RFX3: variants seen among roughly 807,000 people sequenced by gnomAD.
The protein encoded by RFX3 is transcription factor RFX3.
Under a neutral mutation model 98.6 loss-of-function variants are expected in RFX3, and 14 were observed. The observed-to-expected ratio is 0.14, with a 90% CI of 0.09 to 0.22. RFX3 has a LOEUF of 0.22. Among genes scored for constraint, RFX3 ranks in the 10% least tolerant of loss-of-function variants. The pLI is 1.00. For synonymous variants in RFX3, 383 were observed against 328.4 expected (o/e 1.17, Z -1.80); for missense variants, 639 against 926.9 (o/e 0.69, Z 4.03).
At chr9:3,333,938 C>T (rs7870506) in intron 3 of RFX3, among the ~76,000 whole-genome samples, 3,221 of 152,188 alleles carry the variant, frequency 0.021, 117 homozygotes, top group African/African-American at 0.073. Context: ...TTTTCATAAA[C>T]TCCATGAGGT....
intron 1 of RFX3, among the ~76,000 whole-genome samples, chr9:3,408,771 A>G (rs149586708): frequency 0.011 from 1,627 of 152,302 alleles, 18 homozygotes; most frequent in East Asian, 0.03. Flanking sequence ...AACTTGGCTT[A>G]TAGGGTGTGA....
intron 1 of RFX3, among the ~76,000 whole-genome samples, chr9:3,448,923 CTGA>C (rs1226751050): frequency 1.3e-5 from 2 of 152,180 alleles, no homozygotes; most frequent in Non-Finnish European, 1.5e-5. Flanking sequence ...CAAAGAAGTA[CTGA>C]TGGGTGACCT....
At chr9:3,399,358 C>A (rs1841246584) in intron 1 of RFX3, among the ~76,000 whole-genome samples, 1 of 151,736 alleles carries the variant, frequency 6.6e-6, no homozygotes, top group Non-Finnish European at 1.5e-5. Context: ...ACAGGAGAAT[C>A]CCTTGAACTT....
chr9:3,438,526 T>C (rs952289001), intron 1 of RFX3, among the ~76,000 whole-genome samples: 6 of 151,906 alleles, frequency 3.9e-5, no homozygotes, highest in Non-Finnish European at 8.8e-5. Context: ...AAAGGAACCA[T>C]ATCAAAAATA....
chr9:3,400,992 G>A (rs926408654), intron 1 of RFX3, among the ~76,000 whole-genome samples: 7 of 152,172 alleles, frequency 4.6e-5, no homozygotes, highest in Non-Finnish European at 7.3e-5. Context: ...CATGATGATA[G>A]GGCTTCCAAA....
intron 15 of RFX3, among the ~76,000 whole-genome samples, chr9:3,232,232 G>A (rs973319587): frequency 6.6e-6 from 1 of 152,144 alleles, no homozygotes; most frequent in Admixed American, 6.5e-5. Flanking sequence ...GATTAGAGGG[G>A]GCTACTCTTC....
chr9:3,493,712 T>C (rs2133548533), intron 1 of RFX3, among the ~76,000 whole-genome samples: 1 of 143,098 alleles, frequency 7.0e-6, no homozygotes, highest in African/African-American at 2.5e-5. Context: ...TATATATATA[T>C]ATATATATAT....
chr9:3,277,984 A>G (rs1825455205), intron 7 of RFX3, among the ~76,000 whole-genome samples: 1 of 151,946 alleles, frequency 6.6e-6, no homozygotes, highest in Non-Finnish European at 1.5e-5. Flanking sequence ...CTCCATGACA[A>G]TTATCAACAT....
intron 2 of RFX3, among the ~76,000 whole-genome samples, chr9:3,377,786 A>G (rs1838714582): frequency 1.3e-5 from 2 of 152,166 alleles, no homozygotes; most frequent in African/African-American, 4.8e-5. Context: ...GACTTTGGTG[A>G]TGTTTATACA....
chr9:3,356,022 G>A (rs143723671), intron 2 of RFX3, among the ~76,000 whole-genome samples: 1 of 151,652 alleles, frequency 6.6e-6, no homozygotes, highest in African/African-American at 2.4e-5. Context: ...AATTTTCAGA[G>A]TGCAGCCAGA....
intron 7 of RFX3, among the ~76,000 whole-genome samples, chr9:3,286,991 T>G (rs1173457457): frequency 6.6e-6 from 1 of 151,962 alleles, no homozygotes; most frequent in Non-Finnish European, 1.5e-5. Context: ...TGTATTGTGA[T>G]AGTTCCTTGA....
At chr9:3,285,110 A>G (rs1014076499) in intron 7 of RFX3, among the ~76,000 whole-genome samples, 3 of 151,860 alleles carry the variant, frequency 2.0e-5, no homozygotes, top group African/African-American at 7.2e-5. Flanking sequence ...GTTATATTTA[A>G]TTAACAAAAT....
At chr9:3,427,358 TATA>T (rs1190068809) in intron 1 of RFX3, among the ~76,000 whole-genome samples, 1 of 140,176 alleles carries the variant, frequency 7.1e-6, no homozygotes, top group Non-Finnish European at 1.5e-5. Context: ...TAATACTATA[TATA>T]AATATATATT....
chr9:3,335,362 AC>A (rs1323291867), intron 3 of RFX3, among the ~76,000 whole-genome samples: 1 of 152,192 alleles, frequency 6.6e-6, no homozygotes, highest in South Asian at 2.1e-4. Flanking sequence ...TTTTTTAGGT[AC>A]TAGAAATAGA....
chr9:3,316,479 C>A (rs1051988245), intron 4 of RFX3, among the ~76,000 whole-genome samples: 1 of 152,132 alleles, frequency 6.6e-6, no homozygotes, highest in African/African-American at 2.4e-5. Context: ...ACAGGGATAC[C>A]CTCTCTCACC....
intron 2 of RFX3, among the ~76,000 whole-genome samples, chr9:3,388,188 C>G (rs577853888): frequency 5.3e-5 from 8 of 151,976 alleles, no homozygotes; most frequent in Non-Finnish European, 1.2e-4. Flanking sequence ...ATTGAAACTA[C>G]GGTCTAAGAA....
chr9:3,354,881 T>A (rs944479522), intron 2 of RFX3, among the ~76,000 whole-genome samples: 1 of 151,960 alleles, frequency 6.6e-6, no homozygotes, highest in African/African-American at 2.4e-5. Context: ...CTTTTACTTT[T>A]CTGACTATGT....
chr9:3,463,825 T>G (rs1301645941), intron 1 of RFX3, among the ~76,000 whole-genome samples: 1 of 151,824 alleles, frequency 6.6e-6, no homozygotes, highest in Non-Finnish European at 1.5e-5. Flanking sequence ...TTAAAAAAAA[T>G]TAGCCAGGCA....
At chr9:3,348,307 A>G (rs1351915684) in intron 2 of RFX3, among the ~76,000 whole-genome samples, 4 of 152,120 alleles carry the variant, frequency 2.6e-5, no homozygotes, top group Non-Finnish European at 4.4e-5. Flanking sequence ...GTATTGTACC[A>G]TATCAGTTGA....
Sources: allele counts gnomAD v4.1 joint callset (sites outside exome capture counted in the v4.1 genomes callset), GRCh38; gene constraint gnomAD v4.1.1; transcripts MANE v1.5; gene names NCBI Gene and HGNC (gene_info 2026-07-23, HGNC 2026-07-21).